Variants in UBOX5 observed in about 807,000 individuals in gnomAD.
The protein encoded by UBOX5 is U-box domain containing 5.
Under a neutral mutation model 39.0 loss-of-function variants are expected in UBOX5, and 28 were observed. The observed-to-expected ratio is 0.72, with a 90% CI of 0.53 to 0.98. UBOX5 has a LOEUF of 0.98. Among genes scored for constraint, UBOX5 ranks in the 50% least tolerant of loss-of-function variants. UBOX5 has a pLI of 0.00. For missense variants in UBOX5, 585 were observed against 674.4 expected (o/e 0.87, Z 1.47); for synonymous variants, 283 against 275.5 (o/e 1.03, Z -0.27).
At chr20:3,114,173 G>A (rs1360108491) in intron 4 of UBOX5, among the ~76,000 whole-genome samples, 1 of 152,130 alleles carries the variant, frequency 6.6e-6, no homozygotes, top group Non-Finnish European at 1.5e-5. Context: ...AGTGCTGTCA[G>A]GGCGGCAGGA....
intron 3 of UBOX5, among the ~76,000 whole-genome samples, 176 bp from the exon 4 acceptor site, chr20:3,115,642 G>A (rs964867534): frequency 6.6e-6 from 1 of 152,098 alleles, no homozygotes; most frequent in African/African-American, 2.4e-5. Context: ...TAAAGCCCTA[G>A]GAACACCGGC....
chr20:3,113,730 C>G (rs1568468052), intron 4 of UBOX5, among the ~76,000 whole-genome samples: 1 of 152,128 alleles, frequency 6.6e-6, no homozygotes, highest in Non-Finnish European at 1.5e-5. Flanking sequence ...AGAAGCCTCA[C>G]CACAAGACAG....
chr20:3,130,692 A>C (rs1278250418), intron 1 of UBOX5, among the ~76,000 whole-genome samples: 1 of 151,916 alleles, frequency 6.6e-6, no homozygotes, highest in Non-Finnish European at 1.5e-5. Context: ...ATTCCTATAT[A>C]GGAAAGCTTT....
At chr20:3,142,527 C>T (rs1260375869) in intron 1 of UBOX5, among the ~76,000 whole-genome samples, 2 of 150,966 alleles carry the variant, frequency 1.3e-5, no homozygotes, top group Non-Finnish European at 2.9e-5. Flanking sequence ...TCTCTTGAAC[C>T]CGGGAGGTGG....
chr20:3,158,566 CG>C (rs1385288646), intron 1 of UBOX5, among the ~76,000 whole-genome samples: 67 of 152,272 alleles, frequency 4.4e-4, no homozygotes, highest in African/African-American at 1.1e-3. Context: ...CTCCGCCTCC[CG>C]GGGTTCACGC....
At chr20:3,158,714 T>C (rs2066715682) in intron 1 of UBOX5, among the ~76,000 whole-genome samples, 1 of 152,164 alleles carries the variant, frequency 6.6e-6, no homozygotes, top group African/African-American at 2.4e-5. Context: ...GACCTCGTGA[T>C]CCGCCCGCCT....
intron 1 of UBOX5, among the ~76,000 whole-genome samples, chr20:3,138,754 G>A (rs866463483): frequency 1.3e-5 from 2 of 152,140 alleles, no homozygotes; most frequent in Non-Finnish European, 2.9e-5. Flanking sequence ...TTTGTTTTTG[G>A]TGTTGAGGTT....
intron 4 of UBOX5, among the ~76,000 whole-genome samples, chr20:3,112,503 C>T (rs1013859324): frequency 6.6e-6 from 1 of 150,926 alleles, no homozygotes; most frequent in Admixed American, 6.6e-5. Flanking sequence ...AAGTATATAA[C>T]TGCAAACTGA....
rs2066541934 is a variant in UBOX5, at chr20:3,144,293, G to A, written c.-42+15473C>T. 2.0e-5 allele frequency among the ~76,000 whole-genome samples: 3 copies of A among 152,164 alleles called. No individual in the cohort carries two copies. The South Asian group carries it at 6.2e-4, about 31-fold the overall frequency. ...ATTATGTGGTATTGGCATAAGAATAGATGAATGGAATAGAAATGAAAATCC... is the reference window on the plus strand; with the variant it reads ...ATTATGTGGTATTGGCATAAGAATAAATGAATGGAATAGAAATGAAAATCC... On this transcript the variant is annotated intron_variant, in intron 1 of 4. Transcript: ENST00000217173.
chr20:3,109,787 A>G lies in UBOX5; in HGVS notation c.*319T>C. On this transcript the variant is annotated 3_prime_UTR_variant, in exon 5 of 5. Coordinates refer to ENST00000217173, the MANE Select transcript of UBOX5 (RefSeq NM_014948.4). ...ACAGTGCCCTGCTGGACAGGGGGGTATGCGGACTGCACGGGGGGGCCCTCA... is the reference window on the plus strand; with the variant it reads ...ACAGTGCCCTGCTGGACAGGGGGGTGTGCGGACTGCACGGGGGGGCCCTCA... The G allele has an allele frequency of 2.5e-6, 1 of 392,934 alleles. No homozygotes were observed. The highest frequency in any genetic ancestry group is 4.8e-6 in the Non-Finnish European group (1 of 208,124). The allele number at this position is 392,934 out of a possible 1,614,324, so 24.3% of individuals were successfully genotyped here. A position where few individuals can be genotyped will look rare whatever the true frequency, so the allele number is the denominator to read the frequency against.
intron 1 of UBOX5, among the ~76,000 whole-genome samples, chr20:3,130,992 G>GAGGCC (rs2066425008): frequency 6.6e-6 from 1 of 152,038 alleles, no homozygotes. Flanking sequence ...AGCACTTTGG[G>GAGGCC]AGGCCGAGGC....
At chr20:3,145,521 C>T (rs1193547455) in intron 1 of UBOX5, among the ~76,000 whole-genome samples, 2 of 151,474 alleles carry the variant, frequency 1.3e-5, no homozygotes, top group East Asian at 3.9e-4. Flanking sequence ...CTCACTGCAG[C>T]CTCAACCTCC....
At chr20:3,146,545 T>G in intron 1 of UBOX5, 1 of 488,808 alleles carries the variant, frequency 2.0e-6, no homozygotes, top group Non-Finnish European at 3.6e-6. Context: ...CATATTAAGA[T>G]GTTTATTATT....
Position 3,123,536 on chromosome 20 carries a change from C to A in UBOX5, c.-41-130G>T, listed in dbSNP as rs549066694. 19 of 629,146 alleles carry A rather than the reference C, an allele frequency of 3.0e-5. No homozygotes were observed. The East Asian group carries it at 4.8e-4, about 16-fold the overall frequency. 39.0% of individuals were successfully genotyped at this position (629,146 alleles called of 1,614,324 possible). ...AACACACACACTCTCACGGTCCACA[C>A]TGACTTTCCTTATATCCTATACATG... On this transcript the variant is annotated intron_variant, in intron 1 of 4. Coordinates refer to ENST00000217173, the MANE Select transcript of UBOX5 (RefSeq NM_014948.4).
At chr20:3,122,962 T>G (rs1445273985) in intron 2 of UBOX5, among the ~76,000 whole-genome samples, 3 of 151,094 alleles carry the variant, frequency 2.0e-5, no homozygotes, top group Middle Eastern at 3.5e-3. Flanking sequence ...TCCTGCCCAA[T>G]CCAACCAAAA....
intron 1 of UBOX5, among the ~76,000 whole-genome samples, chr20:3,127,029 T>C (rs1296324912): frequency 3.9e-5 from 2 of 51,594 alleles, no homozygotes; most frequent in African/African-American, 1.8e-4. Context: ...AGAGCAAAAC[T>C]CCGTCTCAAA....
At chr20:3,120,604 C>G (rs548779575) in intron 3 of UBOX5, among the ~76,000 whole-genome samples, 28 of 151,212 alleles carry the variant, frequency 1.9e-4, no homozygotes, top group African/African-American at 6.8e-4. Flanking sequence ...CGAGATCATG[C>G]CACCGCACTC....
intron 3 of UBOX5, among the ~76,000 whole-genome samples, chr20:3,115,814 A>G (rs1170841909): frequency 2.4e-5 from 3 of 125,214 alleles, no homozygotes; most frequent in Non-Finnish European, 4.7e-5. Context: ...GCTGAGAAGG[A>G]GTGCAGGGGT....
chr20:3,154,123 C>A (rs1415902735), intron 1 of UBOX5, among the ~76,000 whole-genome samples: 3 of 152,158 alleles, frequency 2.0e-5, no homozygotes, highest in Middle Eastern at 3.4e-3. Flanking sequence ...GATATGGGAT[C>A]CAGAAACTAG....
Sources: allele counts gnomAD v4.1 joint callset (sites outside exome capture counted in the v4.1 genomes callset), GRCh38; gene constraint gnomAD v4.1.1; transcripts MANE v1.5; gene names NCBI Gene and HGNC (gene_info 2026-07-23, HGNC 2026-07-21).